Variants in RHOV observed in about 807,000 individuals in gnomAD.
RHOV encodes the protein rho-related GTP-binding protein RhoV.
In RHOV, 6 loss-of-function variants were observed where a neutral mutation model predicts 20.2. That is an observed-to-expected ratio of 0.30 (90% CI 0.16 to 0.59). RHOV has a LOEUF of 0.59. Among genes scored for constraint, RHOV ranks in the 20% least tolerant of loss-of-function variants. The pLI is 0.89. For missense variants in RHOV, 275 were observed against 319.4 expected, an observed-to-expected ratio of 0.86 and a Z score of 1.06; for synonymous variants, 136 against 142.3, an observed-to-expected ratio of 0.96 and a Z score of 0.31.
In RHOV at chr15:40,873,858, G is replaced by A. The variant is rs1192259947; in HGVS notation, c.208+74C>T. The A allele has an allele frequency of 3.9e-6, 6 of 1,546,788 alleles. No homozygotes were observed. The African/African-American group carries it at 5.4e-5, about 14-fold the overall frequency. ...GGGGTCCTCTGCGCCCTCCCGCCGA[G>A]ACGCCCGCCCCAGCTCCCCGGTGCA... On this transcript the variant is annotated intron_variant, in intron 1 of 2. Coordinates refer to ENST00000220507, the MANE Select transcript of RHOV (RefSeq NM_133639.4).
rs1483737426 is a variant in RHOV, at chr15:40,873,948, C to T, written c.192G>A (p.Ala64=). The change falls in exon 1 of 3, where the codon GCG becomes GCA. Residue 64 remains alanine (A), a synonymous_variant. Transcript: ENST00000220507. ...NGYPARYRPT[A]LDTFSVQVLV... Reference sequence around the variant, plus strand: ...CGTACGTACCAGAGAAGGTGTCCAGCGCAGTGGGCCGGTAGCGCGCGGGGT... The same window carrying T: ...CGTACGTACCAGAGAAGGTGTCCAGTGCAGTGGGCCGGTAGCGCGCGGGGT... 2 of 1,610,990 alleles carry T rather than the reference C, an allele frequency of 1.2e-6. No homozygotes were observed. The highest frequency in any genetic ancestry group is 2.2e-5 in the East Asian group (1 of 44,700).
chr15:40,873,922 AC>A lies in RHOV; in HGVS notation c.208+9del. On this transcript the variant is annotated intron_variant, in intron 1 of 2. Transcript: ENST00000220507. ...GCCACGCGGCCGCACGGGCGATTGA[AC>A]GTACGTACCAGAGAAGGTGTCCAGC... 6.2e-7 allele frequency: 1 copy of A among 1,604,668 alleles called. No homozygotes were observed. Among genetic ancestry groups the A allele is most frequent in the Non-Finnish European group, 8.5e-7 (1 of 1,175,212 alleles).
At position 40,873,340 on chromosome 15, in the gene RHOV, G is replaced by A. The variant is rs1182321869; in HGVS notation, c.429C>T (p.Thr143=). 6.2e-7 allele frequency: 1 copy of A among 1,613,178 alleles called. No individual in the cohort carries two copies. The highest frequency in any genetic ancestry group is 8.5e-7 in the Non-Finnish European group (1 of 1,179,998). ...NPQAPVLLVG[T]QADLRDDVNV... ...TGACATCGTCCCTCAGGTCGGCCTG[G>A]GTGCCCACCAGCAGCACAGGCGCCT... Residue 143 remains threonine (T), a synonymous_variant, in exon 3 of 3, where the codon ACC becomes ACT. Coordinates refer to ENST00000220507, the MANE Select transcript of RHOV (RefSeq NM_133639.4).
chr15:40,874,209 C>G lies in RHOV; in HGVS notation c.-70G>C, dbSNP rs1235416922. The G allele has an allele frequency of 3.2e-6, 2 of 626,348 alleles. No individual in the cohort carries two copies. The highest frequency in any genetic ancestry group is 3.5e-5 in the East Asian group (1 of 28,206). 38.8% of individuals were successfully genotyped at this position (626,348 alleles called of 1,614,324 possible). A position where few individuals can be genotyped will look rare whatever the true frequency, so the allele number is the denominator to read the frequency against. ...TCGCTGCGCTCGGTGAAGCAGGTCC[C>G]GCTGGCTGCCTCTGACTGAATGGGT... On this transcript the variant is annotated 5_prime_UTR_variant, in exon 1 of 3. Coordinates refer to ENST00000220507, the MANE Select transcript of RHOV (RefSeq NM_133639.4).
At position 40,874,160 on chromosome 15, in the gene RHOV, G is replaced by A; in HGVS notation, c.-21C>T. The A allele has an allele frequency of 8.4e-7, 1 of 1,193,274 alleles. No individual in the cohort carries two copies. The highest frequency in any genetic ancestry group is 1.1e-6 in the Non-Finnish European group (1 of 924,986). 73.9% of individuals were successfully genotyped at this position (1,193,274 alleles called of 1,614,324 possible). Reference sequence around the variant, plus strand: ...GGCATGGCCCGCTCCGGGGGCAGCAGAGGGGCCAGCCCGGGTCTCGGCTTC... The same window carrying A: ...GGCATGGCCCGCTCCGGGGGCAGCAAAGGGGCCAGCCCGGGTCTCGGCTTC... On this transcript the variant is annotated 5_prime_UTR_variant, in exon 1 of 3. Transcript: ENST00000220507.
In RHOV at chr15:40,873,380, C is replaced by A; in HGVS notation, c.389G>T (p.Arg130Leu). 1 of 1,612,858 alleles carries A rather than the reference C, an allele frequency of 6.2e-7. No individual in the cohort carries two copies. Among genetic ancestry groups the A allele is most frequent in the Non-Finnish European group, 8.5e-7 (1 of 1,179,854 alleles). The change falls in exon 3 of 3, where the codon CGC becomes CTC. Residue 130 changes from arginine (R) to leucine (L), a missense_variant. Arg to Leu is a moderately radical substitution (Grantham distance 102, BLOSUM62 -2). Coordinates refer to ENST00000220507, the MANE Select transcript of RHOV (RefSeq NM_133639.4). ...NITEKWLPEI[R>L]THNPQAPVLL... Reference sequence around the variant, plus strand: ...CACAGGCGCCTGGGGGTTGTGCGTGCGGATCTCGGGCAGCCATTTCTCTGT... The same window carrying A: ...CACAGGCGCCTGGGGGTTGTGCGTGAGGATCTCGGGCAGCCATTTCTCTGT...
Position 40,873,087 on chromosome 15 carries a change from G to T in RHOV, c.682C>A (p.Arg228Ser), listed in dbSNP as rs1282424110. Reference sequence around the variant, plus strand: ...ACGAAGCAGAAGAACTTCTTCCAGCGGCAGCGGGAGAGGGTGCGCACACCT... The same window carrying T: ...ACGAAGCAGAAGAACTTCTTCCAGCTGCAGCGGGAGAGGGTGCGCACACCT... ...AKGVRTLSRC[R>S]WKKFFCFV is the part of the protein sequence containing the mutation. Residue 228 changes from arginine to serine, a missense_variant, in exon 3 of 3, where the codon CGC becomes AGC. Transcript: ENST00000220507. 5.6e-6 allele frequency: 9 copies of T among 1,614,082 alleles called. No homozygotes were observed. In the East Asian group the frequency reaches 2.0e-4, roughly 36 times the overall value.
At position 40,873,169 on chromosome 15, in the gene RHOV, C is replaced by T. The variant is rs1363961922; in HGVS notation, c.600G>A (p.Ser200=). The T allele has an allele frequency of 1.9e-6, 3 of 1,614,222 alleles. No homozygotes were observed. The highest frequency in any genetic ancestry group is 2.2e-5 in the East Asian group (1 of 44,892). ...TGTGCTCAATGGCACTGAGAATAGC[C>T]GAGTCAAATACTTCCTTCAAGTTCT... ...TQKNLKEVFD[S]AILSAIEHKA... Residue 200 remains serine, a synonymous_variant, in exon 3 of 3, where the codon TCG becomes TCA. Transcript: ENST00000220507.
At position 40,873,188 on chromosome 15, in the gene RHOV, A is replaced by G. The variant is rs1891910275; in HGVS notation, c.581T>C (p.Leu194Ser). The change falls in exon 3 of 3, where the codon TTG becomes TCG. Residue 194 changes from leucine (L) to serine (S), a missense_variant. Transcript: ENST00000220507. The stretch of plus-strand genomic sequence containing the variant: ...AATAGCCGAGTCAAATACTTCCTTC[A>G]AGTTCTTCTGCGTCAAGGCTGAGCA... Reference protein sequence around the residue: ...LECSALTQKNLKEVFDSAILS... With the variant: ...LECSALTQKNSKEVFDSAILS... The G allele has an allele frequency of 1.2e-6, 2 of 1,614,080 alleles. No homozygotes were observed. The highest frequency in any genetic ancestry group is 1.7e-6 in the Non-Finnish European group (2 of 1,180,046).
rs1489504717 is a variant in RHOV at position 40,872,984 on chromosome 15, G to A, written c.*74C>T. On this transcript the variant is annotated 3_prime_UTR_variant, in exon 3 of 3. Coordinates refer to ENST00000220507, the MANE Select transcript of RHOV (RefSeq NM_133639.4). Reference sequence around the variant, plus strand: ...TGGCCAGGCCCTGCCAGTAGCTGCCGCAAAGGCCCGGGTGCCCCAGGTCTC... The same window carrying A: ...TGGCCAGGCCCTGCCAGTAGCTGCCACAAAGGCCCGGGTGCCCCAGGTCTC... 8.1e-6 allele frequency: 10 copies of A among 1,232,562 alleles called. No homozygotes were observed. The highest frequency in any genetic ancestry group is 1.4e-5 in the South Asian group (1 of 72,982). The allele number at this position is 1,232,562 out of a possible 1,614,324, so 76.4% of individuals were successfully genotyped here.
In RHOV at chr15:40,872,924, C is replaced by T; in HGVS notation, c.*134G>A. The stretch of plus-strand genomic sequence containing the variant: ...AGTGGGCAGTTAGAGGCCCATGTCC[C>T]CCGAGTGTTCAGAAGGGAACTGAGT... On this transcript the variant is annotated 3_prime_UTR_variant, in exon 3 of 3. Coordinates refer to ENST00000220507, the MANE Select transcript of RHOV (RefSeq NM_133639.4). 3.0e-6 allele frequency: 2 copies of T among 662,750 alleles called. No individual in the cohort carries two copies. The highest frequency in any genetic ancestry group is 2.7e-5 in the Admixed American group (1 of 37,712). The allele number at this position is 662,750 out of a possible 1,614,324, so 41.1% of individuals were successfully genotyped here. A position where few individuals can be genotyped will look rare whatever the true frequency, so the allele number is the denominator to read the frequency against.
chr15:40,873,135 G>T lies in RHOV; in HGVS notation c.634C>A (p.Leu212Met), dbSNP rs757652620. 1 of 1,614,246 alleles carries T rather than the reference G, an allele frequency of 6.2e-7. No homozygotes were observed. The highest frequency in any genetic ancestry group is 8.5e-7 in the Non-Finnish European group (1 of 1,180,030). Reference protein sequence around the residue: ...ILSAIEHKARLEKKLNAKGVR... With the variant: ...ILSAIEHKARMEKKLNAKGVR... The stretch of plus-strand genomic sequence containing the variant: ...CCTTTGGCATTCAGTTTCTTCTCCA[G>T]CCGGGCTTTGTGCTCAATGGCACTG... Residue 212 changes from leucine (L) to methionine (M), a missense_variant, in exon 3 of 3, where the codon CTG (leucine) becomes ATG (methionine). Physicochemically the swap from Leu to Met is conservative, Grantham distance 15. Transcript: ENST00000220507.
intron 1 of RHOV, 28 bp from the exon 2 acceptor site, chr15:40,873,770 A>G (rs751482524): frequency 1.1e-5 from 18 of 1,609,224 alleles, no homozygotes; most frequent in Non-Finnish European, 1.5e-5. Flanking sequence ...GGAGAGCCTG[A>G]GTTAGGAAGA....
At position 40,872,825 on chromosome 15, in the gene RHOV, G is replaced by A. The variant is rs1464188048; in HGVS notation, c.*233C>T. 1 of 523,948 alleles carries A rather than the reference G, an allele frequency of 1.9e-6. No individual in the cohort carries two copies. The highest frequency in any genetic ancestry group is 3.4e-6 in the Non-Finnish European group (1 of 296,242). The allele number at this position is 523,948 out of a possible 1,614,324, so 32.5% of individuals were successfully genotyped here. A position where few individuals can be genotyped will look rare whatever the true frequency, so the allele number is the denominator to read the frequency against. On this transcript the variant is annotated 3_prime_UTR_variant, in exon 3 of 3. Transcript: ENST00000220507. ...CATCCCATGAAAATCAAAGTGCCAG[G>A]TTTTTTTCTGTGAGCTTTGACTGGA...
Position 40,873,151 on chromosome 15 carries a change from A to G in RHOV, c.618T>C (p.Ile206=), listed in dbSNP as rs1891909540. ...EVFDSAILSA[I]EHKARLEKKL... Reference sequence around the variant, plus strand: ...TCTTCTCCAGCCGGGCTTTGTGCTCAATGGCACTGAGAATAGCCGAGTCAA... The same window carrying G: ...TCTTCTCCAGCCGGGCTTTGTGCTCGATGGCACTGAGAATAGCCGAGTCAA... The change falls in exon 3 of 3, where the codon ATT becomes ATC. Residue 206 remains isoleucine, a synonymous_variant. Transcript: ENST00000220507. 1 of 1,614,240 alleles carries G rather than the reference A, an allele frequency of 6.2e-7. No individual in the cohort carries two copies. The highest frequency in any genetic ancestry group is 2.2e-5 in the East Asian group (1 of 44,888).
chr15:40,874,018 G>A lies in RHOV; in HGVS notation c.122C>T (p.Ala41Val), dbSNP rs747417431. Residue 41 changes from alanine (A) to valine (V), a missense_variant, in exon 1 of 3, where the codon GCC becomes GTC. Ala to Val is a moderately conservative substitution (Grantham distance 64). Coordinates refer to ENST00000220507, the MANE Select transcript of RHOV (RefSeq NM_133639.4). ...GIKCVLVGDG[A>V]VGKSSLIVSY... ...GACGATGAGGCTGCTCTTGCCCACGGCGCCGTCGCCCACCAGCACGCACTT... is the reference window on the plus strand; with the variant it reads ...GACGATGAGGCTGCTCTTGCCCACGACGCCGTCGCCCACCAGCACGCACTT... 1 of 1,605,720 alleles carries A rather than the reference G, an allele frequency of 6.2e-7. No homozygotes were observed. The highest frequency in any genetic ancestry group is 1.1e-5 in the South Asian group (1 of 90,382).
In RHOV at chr15:40,872,789, C is replaced by G. The variant is rs1479108487; in HGVS notation, c.*269G>C. ...CCCAAACTGCTCGGAGGTGACTGAC[C>G]CTGTTAGGACCATCCCATGAAAATC... On this transcript the variant is annotated 3_prime_UTR_variant, in exon 3 of 3. Transcript: ENST00000220507. 1 of 413,632 alleles carries G rather than the reference C, an allele frequency of 2.4e-6. No individual in the cohort carries two copies. Among genetic ancestry groups the G allele is most frequent in the Non-Finnish European group, 4.3e-6 (1 of 230,206 alleles). The allele number at this position is 413,632 out of a possible 1,614,324, so 25.6% of individuals were successfully genotyped here.
rs1891929390 is a variant in RHOV at position 40,874,228 on chromosome 15, A to G, written c.-89T>C. 2 of 536,702 alleles carry G rather than the reference A, an allele frequency of 3.7e-6. No individual in the cohort carries two copies. Among genetic ancestry groups the G allele is most frequent in the East Asian group, 3.6e-5 (1 of 27,512 alleles). 33.2% of individuals were successfully genotyped at this position (536,702 alleles called of 1,614,324 possible). On this transcript the variant is annotated 5_prime_UTR_variant, in exon 1 of 3. Transcript: ENST00000220507. ...AGGTCCCGCTGGCTGCCTCTGACTG[A>G]ATGGGTCCAGGCTGGGCGAGTCGGC...
Position 40,873,170 on chromosome 15 carries a change from G to A in RHOV, c.599C>T (p.Ser200Leu). ...GTGCTCAATGGCACTGAGAATAGCCGAGTCAAATACTTCCTTCAAGTTCTT... is the reference window on the plus strand; with the variant it reads ...GTGCTCAATGGCACTGAGAATAGCCAAGTCAAATACTTCCTTCAAGTTCTT... Reference protein sequence around the residue: ...TQKNLKEVFDSAILSAIEHKA... With the variant: ...TQKNLKEVFDLAILSAIEHKA... Residue 200 changes from serine to leucine, a missense_variant, in exon 3 of 3, where the codon TCG becomes TTG. Transcript: ENST00000220507. 3.1e-6 allele frequency: 5 copies of A among 1,614,214 alleles called. No individual in the cohort carries two copies. The highest frequency in any genetic ancestry group is 4.2e-6 in the Non-Finnish European group (5 of 1,180,030).
Sources: gnomAD v4.1 joint callset for allele counts on GRCh38, gnomAD v4.1.1 for gene constraint, MANE v1.5 for transcripts, NCBI Gene and HGNC (gene_info 2026-07-23, HGNC 2026-07-21) for gene names.